Variants in BLTP1 observed in about 807,000 individuals in gnomAD.
The protein encoded by BLTP1 is bridge-like lipid transfer protein family member 1, also known as fragile site-associated protein.
At chr4:122,196,848 C>A in the BLTP1 span, 1 of 1,018,828 alleles carries the variant, frequency 9.8e-7, no homozygotes, top group Non-Finnish European at 1.4e-6. Context: ...CATTATTTTT[C>A]AGAGTTTTTT....
At chr4:122,167,138 T>A in the BLTP1 span, among the ~76,000 whole-genome samples, 2 of 152,206 alleles carry the variant, frequency 1.3e-5, no homozygotes, top group Non-Finnish European at 2.9e-5. Context: ...CAGGACCTGT[T>A]AGTGAACATA....
chr4:122,222,935 C>T, the BLTP1 span: 1 of 920,558 alleles, frequency 1.1e-6, no homozygotes, highest in Admixed American at 6.2e-5. Context: ...ATCATGTAGG[C>T]TATACCTTAG....
the BLTP1 span, among the ~76,000 whole-genome samples, chr4:122,238,663 T>C: frequency 6.6e-6 from 1 of 152,220 alleles, no homozygotes; most frequent in Non-Finnish European, 1.5e-5. Flanking sequence ...TACTTTTTGT[T>C]CCTCCTCTTG....
the BLTP1 span, chr4:122,208,985 T>TAA: frequency 9.1e-4 from 328 of 361,988 alleles, no homozygotes; most frequent in Middle Eastern, 1.4e-3. Flanking sequence ...GTGAGACCAT[T>TAA]AAAAAAAAAA....
At chr4:122,343,711 C>T in the BLTP1 span, 6 of 1,290,500 alleles carry the variant, frequency 4.6e-6, no homozygotes, top group Admixed American at 1.4e-4. Context: ...AGATCAGATG[C>T]TTTTTGTATT....
At chr4:122,240,194 G>A in the BLTP1 span, 4 of 1,614,110 alleles carry the variant, frequency 2.5e-6, no homozygotes, top group Non-Finnish European at 3.4e-6. Flanking sequence ...ATTGTTATCA[G>A]ACTTACCTTA....
the BLTP1 span, chr4:122,224,120 C>T: frequency 2.0e-6 from 2 of 977,594 alleles, no homozygotes; most frequent in African/African-American, 1.8e-5. Context: ...TCAATGTTGT[C>T]TTCCTTTTAA....
the BLTP1 span, chr4:122,170,239 G>A: frequency 5.1e-5 from 24 of 474,104 alleles, no homozygotes; most frequent in Non-Finnish European, 6.6e-5. Flanking sequence ...CTGGGAGGTG[G>A]AGGTTGCCTG....
At chr4:122,243,348 A>G in the BLTP1 span, 2 of 910,076 alleles carry the variant, frequency 2.2e-6, no homozygotes, top group South Asian at 1.0e-4. Flanking sequence ...TCAGGTAAAT[A>G]TATTAAAATT....
chr4:122,269,618 T>C, the BLTP1 span: 3 of 984,936 alleles, frequency 3.0e-6, no homozygotes, highest in Admixed American at 6.2e-5. Flanking sequence ...TTCAGTATTG[T>C]CTGGGTTTTT....
the BLTP1 span, among the ~76,000 whole-genome samples, chr4:122,295,910 A>G: frequency 3.9e-5 from 6 of 152,172 alleles, no homozygotes; most frequent in East Asian, 1.9e-4. Context: ...ACTCTCAATA[A>G]ACTAGGTATT....
the BLTP1 span, among the ~76,000 whole-genome samples, chr4:122,257,921 G>T: frequency 3.3e-5 from 5 of 152,134 alleles, no homozygotes; most frequent in Non-Finnish European, 7.4e-5. Context: ...AGAACGTTTT[G>T]AATGAAACAC....
the BLTP1 span, among the ~76,000 whole-genome samples, chr4:122,186,375 T>C: frequency 2.6e-5 from 4 of 151,964 alleles, no homozygotes; most frequent in Non-Finnish European, 5.9e-5. Context: ...ATAATTATTT[T>C]AGAAATTGAG....
the BLTP1 span, chr4:122,243,095 G>A: frequency 1.2e-6 from 2 of 1,605,950 alleles, no homozygotes; most frequent in Non-Finnish European, 1.7e-6. Context: ...TGCTTTTAAA[G>A]TGTCTTCCTT....
the BLTP1 span, chr4:122,181,262 C>G: frequency 2.1e-4 from 205 of 967,070 alleles, 1 homozygote; most frequent in Admixed American, 3.7e-4. Context: ...AAGAGCTATA[C>G]TGGACAACTG....
At chr4:122,273,888 T>C in the BLTP1 span, among the ~76,000 whole-genome samples, 13 of 152,122 alleles carry the variant, frequency 8.5e-5, no homozygotes, top group East Asian at 2.3e-3. Context: ...GTAGGCAAAA[T>C]TGTTTATGTG....
chr4:122,228,797 C>T, the BLTP1 span, among the ~76,000 whole-genome samples: 1 of 152,124 alleles, frequency 6.6e-6, no homozygotes, highest in East Asian at 1.9e-4. Flanking sequence ...AAACCTGTGG[C>T]ACTGTTTTAC....
At chr4:122,264,045 G>T in the BLTP1 span, 2 of 833,568 alleles carry the variant, frequency 2.4e-6, no homozygotes, top group African/African-American at 3.7e-5. Context: ...AGGATGACAT[G>T]TGTTCTGAAA....
At chr4:122,197,075 T>G in the BLTP1 span, 3 of 629,906 alleles carry the variant, frequency 4.8e-6, no homozygotes, top group African/African-American at 3.9e-5. Context: ...ACTTTTGTTC[T>G]TAGGAACTTG....
Sources: gnomAD v4.1 joint callset for allele counts (sites outside exome capture counted in the v4.1 genomes callset) on GRCh38, gnomAD v4.1.1 for gene constraint, MANE v1.5 for transcripts, NCBI Gene and HGNC (gene_info 2026-07-23, HGNC 2026-07-21) for gene names.